The following GALNT13 variants were observed in gnomAD, a reference collection of about 807,000 sequenced individuals.
The protein encoded by GALNT13 is UDP-GalNAc:polypeptide N-acetylgalactosaminyltransferase 13.
GALNT13 carries 28 observed loss-of-function variants against 64.2 expected under a neutral mutation model. That is an observed-to-expected ratio of 0.44 (90% CI 0.32 to 0.60). The LOEUF (loss-of-function observed/expected upper bound fraction) is 0.60, where lower values mean the gene tolerates loss of function less well. Ranked by LOEUF, GALNT13 falls within the 20% of genes least tolerant of loss-of-function variation. The pLI is 0.05. For synonymous variants in GALNT13, 214 were observed against 224.6 expected (o/e 0.95, Z 0.42); for missense variants, 577 against 669.8 (o/e 0.86, Z 1.53).
chr2:154,040,076 C>T (rs1424801132), intron 3 of GALNT13, among the ~76,000 whole-genome samples: 4 of 140,676 alleles, frequency 2.8e-5, no homozygotes, highest in African/African-American at 9.8e-5. Context: ...AATAATTATT[C>T]AATGCCTACT....
rs373354376 is a variant in GALNT13, at chr2:154,104,863, ACTGCCTCAGTTCAGG to A, written c.143-35456_143-35442del. Among the ~76,000 whole-genome samples, 453 of 152,274 alleles carry A rather than the reference ACTGCCTCAGTTCAGG, an allele frequency of 3.0e-3. 3 individuals carry two copies. Among genetic ancestry groups the A allele is most frequent in the African/African-American group, 8.2e-3 (342 of 41,574 alleles). ...TGGGTACACAACCAGTATGGCACACACTGCCTCAGTTCAGGCTGCCTCAGTTCAGGCTTGTGCAGA... is the reference window on the plus strand; with the variant it reads ...TGGGTACACAACCAGTATGGCACACACTGCCTCAGTTCAGGCTTGTGCAGA... On this transcript the variant is annotated intron_variant, in intron 3 of 12. Coordinates refer to ENST00000392825, the MANE Select transcript of GALNT13 (RefSeq NM_052917.4).
At chr2:153,223,389 C>T in the GALNT13 span, among the ~76,000 whole-genome samples, 1 of 152,280 alleles carries the variant, frequency 6.6e-6, no homozygotes, top group Non-Finnish European at 1.5e-5. Context: ...TTCTCAGGCT[C>T]TCATAGAATA....
chr2:153,554,423 T>C, the GALNT13 span, among the ~76,000 whole-genome samples: 2 of 152,190 alleles, frequency 1.3e-5, no homozygotes, highest in Non-Finnish European at 2.9e-5. Flanking sequence ...GCATTTGGTA[T>C]TATACAAATG....
At chr2:153,799,147 A>G in the GALNT13 span, among the ~76,000 whole-genome samples, 1 of 152,088 alleles carries the variant, frequency 6.6e-6, no homozygotes, top group African/African-American at 2.4e-5. Flanking sequence ...AAACACAGAT[A>G]TAAATAAAGA....
At chr2:153,884,191 A>C (rs1248595637) in intron 1 of GALNT13, among the ~76,000 whole-genome samples, 2 of 152,074 alleles carry the variant, frequency 1.3e-5, no homozygotes, top group African/African-American at 4.8e-5. Flanking sequence ...AAAGATACAG[A>C]GAAGTTCTGA....
At chr2:154,224,577 G>A (rs1688490039) in intron 4 of GALNT13, among the ~76,000 whole-genome samples, 1 of 151,948 alleles carries the variant, frequency 6.6e-6, no homozygotes, top group East Asian at 1.9e-4. Context: ...AGAGGAGCAT[G>A]GATAGACAAA....
intron 3 of GALNT13, among the ~76,000 whole-genome samples, chr2:154,104,863 A>ACTGCCTCAGTTCAGG (rs373354376): frequency 6.6e-6 from 1 of 152,158 alleles, no homozygotes. Context: ...TATGGCACAC[A>ACTGCCTCAGTTCAGG]CTGCCTCAGT....
the GALNT13 span, among the ~76,000 whole-genome samples, chr2:153,434,175 C>T: frequency 3.7e-4 from 57 of 152,288 alleles, no homozygotes; most frequent in Non-Finnish European, 7.3e-4. Flanking sequence ...TTTTTTATGG[C>T]TGCATAGTAT....
At chr2:154,066,677 A>G (rs1373405021) in intron 3 of GALNT13, among the ~76,000 whole-genome samples, 1 of 152,172 alleles carries the variant, frequency 6.6e-6, no homozygotes, top group Non-Finnish European at 1.5e-5. Flanking sequence ...TTTTCAGTAA[A>G]AACAAAAGTT....
At chr2:154,060,492 A>C (rs1321086203) in intron 3 of GALNT13, among the ~76,000 whole-genome samples, 1 of 151,962 alleles carries the variant, frequency 6.6e-6, no homozygotes. Context: ...AGTAGCTGGG[A>C]CTAAGGGCAC....
At chr2:153,966,520 A>T (rs550385378) in intron 3 of GALNT13, among the ~76,000 whole-genome samples, 1 of 151,522 alleles carries the variant, frequency 6.6e-6, no homozygotes, top group East Asian at 1.9e-4. Context: ...CGCCCGCCAA[A>T]ACGCCTGGCT....
chr2:154,388,073 C>T (rs1698599814), intron 9 of GALNT13, among the ~76,000 whole-genome samples: 1 of 152,152 alleles, frequency 6.6e-6, no homozygotes, highest in African/African-American at 2.4e-5. Context: ...CACATCCTCT[C>T]CAACATGTGT....
intron 3 of GALNT13, among the ~76,000 whole-genome samples, chr2:154,106,845 C>G (rs1194198794): frequency 1.3e-5 from 2 of 152,068 alleles, no homozygotes; most frequent in Non-Finnish European, 2.9e-5. Flanking sequence ...ACATATTACT[C>G]TGGTTTGGAT....
the GALNT13 span, among the ~76,000 whole-genome samples, chr2:153,253,231 T>A: frequency 4.0e-5 from 6 of 149,728 alleles, no homozygotes; most frequent in Non-Finnish European, 7.4e-5. Context: ...TTTGAAGCAA[T>A]TGTGAATGGG....
chr2:153,154,377 CT>C, the GALNT13 span, among the ~76,000 whole-genome samples: 1 of 152,172 alleles, frequency 6.6e-6, no homozygotes, highest in Admixed American at 6.5e-5. Flanking sequence ...TGATGTGGAA[CT>C]GTGAGTCCAT....
Position 154,166,619 on chromosome 2 carries a change from A to G in GALNT13, c.311+26114A>G, listed in dbSNP as rs1206578612. Among the ~76,000 whole-genome samples the G allele has an allele frequency of 3.9e-5, 6 of 152,348 alleles. No homozygotes were observed. The East Asian group carries it at 1.2e-3, about 29-fold the overall frequency. On this transcript the variant is annotated intron_variant, in intron 4 of 12. Transcript: ENST00000392825. Reference sequence around the variant, plus strand: ...AAATACCATTTGACCTAGCCATCCCATTACTGGGTATATACCCAAAGGATT... The same window carrying G: ...AAATACCATTTGACCTAGCCATCCCGTTACTGGGTATATACCCAAAGGATT...
At chr2:154,256,237 C>G (rs1445563015) in intron 7 of GALNT13, among the ~76,000 whole-genome samples, 2 of 149,452 alleles carry the variant, frequency 1.3e-5, no homozygotes, top group African/African-American at 5.0e-5. Context: ...GGTAGATTCA[C>G]CCAAGCACCA....
the GALNT13 span, among the ~76,000 whole-genome samples, chr2:153,303,699 C>A: frequency 1.3e-5 from 2 of 151,944 alleles, no homozygotes; most frequent in African/African-American, 4.8e-5. Context: ...TCATATATGA[C>A]CTTTATTGTG....
the GALNT13 span, among the ~76,000 whole-genome samples, chr2:153,472,515 AC>A: frequency 2.0e-5 from 3 of 152,290 alleles, no homozygotes; most frequent in South Asian, 2.1e-4. Context: ...TACCATCTAT[AC>A]ATGAGTGCTT....
Sources: allele counts gnomAD v4.1 joint callset (sites outside exome capture counted in the v4.1 genomes callset), GRCh38; gene constraint gnomAD v4.1.1; transcripts MANE v1.5; gene names NCBI Gene and HGNC (gene_info 2026-07-23, HGNC 2026-07-21).